Variants in ROBO1 observed in about 807,000 individuals in gnomAD.
ROBO1 encodes roundabout guidance receptor 1, also known as roundabout homolog 1.
Under a neutral mutation model 195.9 loss-of-function variants are expected in ROBO1, and 149 were observed. That is an observed-to-expected ratio of 0.76 (90% confidence interval 0.67 to 0.87). The LOEUF (loss-of-function observed/expected upper bound fraction) is 0.87. Ranked by LOEUF, ROBO1 falls within the 40% of genes least tolerant of loss-of-function variation. ROBO1 has a pLI of 0.00. For synonymous variants in ROBO1, 816 were observed against 733.2 expected, an observed-to-expected ratio of 1.11 and a Z score of -1.82; for missense variants, 1,933 against 2,068.3, an observed-to-expected ratio of 0.93 and a Z score of 1.27.
chr3:78,693,203 G>A, intron 8 of ROBO1: 1 of 1,056,594 alleles, frequency 9.5e-7, no homozygotes, highest in Non-Finnish European at 1.4e-6. Flanking sequence ...TTTATTCTGT[G>A]CAGTCTGTCT....
At chr3:79,414,024 C>T (rs2037892066) in intron 2 of ROBO1, among the ~76,000 whole-genome samples, 1 of 152,076 alleles carries the variant, frequency 6.6e-6, no homozygotes, top group Non-Finnish European at 1.5e-5. Flanking sequence ...TTACTTTCTC[C>T]TCGAAATACC....
intron 1 of ROBO1, among the ~76,000 whole-genome samples, chr3:79,691,183 A>G (rs1178889715): frequency 6.6e-6 from 1 of 151,838 alleles, no homozygotes; most frequent in Non-Finnish European, 1.5e-5. Flanking sequence ...CTTTACCCAA[A>G]TAATAGCCAC....
At chr3:79,076,899 A>G (rs1244918346) in intron 3 of ROBO1, among the ~76,000 whole-genome samples, 1 of 151,914 alleles carries the variant, frequency 6.6e-6, no homozygotes, top group Admixed American at 6.6e-5. Flanking sequence ...TATTTAACTT[A>G]GTCATATTTC....
intron 3 of ROBO1, among the ~76,000 whole-genome samples, chr3:78,943,982 A>G (rs914701303): frequency 5.9e-5 from 9 of 152,258 alleles, no homozygotes; most frequent in Admixed American, 5.9e-4. Flanking sequence ...TTATTAAAAA[A>G]GTATAATGAA....
At chr3:78,825,203 T>C (rs868111799) in intron 4 of ROBO1, among the ~76,000 whole-genome samples, 1 of 152,194 alleles carries the variant, frequency 6.6e-6, no homozygotes, top group South Asian at 2.1e-4. Context: ...CAGGCATTTC[T>C]AAAACTTGAA....
At chr3:79,638,944 A>T (rs1395658593) in intron 1 of ROBO1, among the ~76,000 whole-genome samples, 1 of 152,202 alleles carries the variant, frequency 6.6e-6, no homozygotes, top group Non-Finnish European at 1.5e-5. Flanking sequence ...ACCACTGTAC[A>T]CCTGCTATAA....
At chr3:79,606,145 A>G (rs1293768915) in intron 1 of ROBO1, among the ~76,000 whole-genome samples, 3 of 146,600 alleles carry the variant, frequency 2.0e-5, no homozygotes, top group African/African-American at 5.2e-5. Context: ...TTACTCATTT[A>G]ATTTACTCAT....
intron 2 of ROBO1, among the ~76,000 whole-genome samples, chr3:79,410,184 A>G (rs1371555697): frequency 3.9e-5 from 6 of 152,164 alleles, no homozygotes; most frequent in African/African-American, 9.6e-5. Context: ...CTCATCTTTA[A>G]ATGGAAGTGG....
chr3:78,698,513 C>T (rs954761333), intron 8 of ROBO1, among the ~76,000 whole-genome samples: 1 of 152,120 alleles, frequency 6.6e-6, no homozygotes, highest in Non-Finnish European at 1.5e-5. Context: ...AAATATCTCA[C>T]ATTATTCTGT....
chr3:79,008,888 CGTGTGTGTGTGTGT>C (rs375134341), intron 3 of ROBO1, among the ~76,000 whole-genome samples: 34 of 121,276 alleles, frequency 2.8e-4, no homozygotes, highest in East Asian at 2.0e-3. Flanking sequence ...TGCACCCAGC[CGTGTGTGTGTGTGT>C]GTGTGTGTGT....
At chr3:79,537,015 T>A (rs1363509676) in intron 2 of ROBO1, among the ~76,000 whole-genome samples, 1 of 144,392 alleles carries the variant, frequency 6.9e-6, no homozygotes, top group Non-Finnish European at 1.5e-5. Flanking sequence ...CTTTAACTTA[T>A]ACTCACAGTA....
At chr3:79,247,708 C>T (rs6793105) in intron 2 of ROBO1, among the ~76,000 whole-genome samples, 8,579 of 152,060 alleles carry the variant, frequency 0.056, 354 homozygotes, top group African/African-American at 0.12. Flanking sequence ...TGTGCTACAA[C>T]GCTCACAGGC....
chr3:78,962,226 G>C (rs963008194), intron 3 of ROBO1, among the ~76,000 whole-genome samples: 1 of 152,170 alleles, frequency 6.6e-6, no homozygotes, highest in Non-Finnish European at 1.5e-5. Flanking sequence ...TTCTTTGCCT[G>C]TTCAGGCAAA....
chr3:78,686,048 C>T (rs866402634), intron 9 of ROBO1, 131 bp from the exon 10 acceptor site: 23 of 689,104 alleles, frequency 3.3e-5, no homozygotes, highest in Middle Eastern at 4.0e-4. Context: ...CATATGTATC[C>T]GTCTATATAC....
intron 1 of ROBO1, among the ~76,000 whole-genome samples, chr3:79,765,271 A>G (rs981520368): frequency 6.6e-6 from 1 of 151,984 alleles, no homozygotes; most frequent in African/African-American, 2.4e-5. Context: ...GAATGCCCCC[A>G]CTCCTTAGAT....
chr3:78,751,089 T>C (rs982375244), intron 4 of ROBO1, among the ~76,000 whole-genome samples: 2 of 152,174 alleles, frequency 1.3e-5, no homozygotes, highest in African/African-American at 4.8e-5. Context: ...GTCTCACCAC[T>C]ATCCAATCTT....
At chr3:78,718,835 A>AGG (rs2081969125) in intron 5 of ROBO1, among the ~76,000 whole-genome samples, 2 of 59,812 alleles carry the variant, frequency 3.3e-5, no homozygotes, top group Non-Finnish European at 6.1e-5. Context: ...AGAGAGGGAG[A>AGG]GAGGGAGGGA....
chr3:79,617,152 T>C (rs895901962), intron 1 of ROBO1, among the ~76,000 whole-genome samples: 5 of 152,136 alleles, frequency 3.3e-5, no homozygotes, highest in African/African-American at 1.2e-4. Flanking sequence ...CACCACCCTA[T>C]GGAGACCTCA....
At chr3:79,217,182 T>G (rs538641027) in intron 2 of ROBO1, among the ~76,000 whole-genome samples, 1 of 152,192 alleles carries the variant, frequency 6.6e-6, no homozygotes, top group African/African-American at 2.4e-5. Context: ...ATGAAAATAT[T>G]TTTCATTTGT....
Sources: gnomAD v4.1 joint callset for allele counts (sites outside exome capture counted in the v4.1 genomes callset) on GRCh38, gnomAD v4.1.1 for gene constraint, MANE v1.5 for transcripts, NCBI Gene and HGNC (gene_info 2026-07-23, HGNC 2026-07-21) for gene names.